The following CLASP1 variants were observed in gnomAD, a reference collection of about 807,000 sequenced individuals.
The protein encoded by CLASP1 is CLIP-associating protein 1.
Under a neutral mutation model 192.3 loss-of-function variants are expected in CLASP1, and 38 were observed. That is an observed-to-expected ratio of 0.20 (90% confidence interval 0.15 to 0.26). CLASP1 has a LOEUF of 0.26. Among genes scored for constraint, CLASP1 ranks in the 10% least tolerant of loss-of-function variants. CLASP1 has a pLI of 1.00. For missense variants in CLASP1, 1,433 were observed against 1,932.5 expected (o/e 0.74, Z 4.85); for synonymous variants, 691 against 712.8 (o/e 0.97, Z 0.49).
intron 2 of CLASP1, among the ~76,000 whole-genome samples, chr2:121,554,212 C>T (rs2058313953): frequency 1.3e-5 from 2 of 151,860 alleles, no homozygotes; most frequent in African/African-American, 2.4e-5. Flanking sequence ...AAGACCCTAT[C>T]TCAAAAAATA....
intron 2 of CLASP1, among the ~76,000 whole-genome samples, chr2:121,588,199 C>T (rs921357066): frequency 2.1e-5 from 3 of 142,554 alleles, no homozygotes; most frequent in African/African-American, 5.3e-5. Flanking sequence ...AAAAAAAAAG[C>T]TGAACTTCAC....
intron 2 of CLASP1, among the ~76,000 whole-genome samples, chr2:121,556,447 C>T (rs1559603753): frequency 2.0e-5 from 3 of 152,052 alleles, no homozygotes; most frequent in South Asian, 2.1e-4. Context: ...TGGTCCTGCC[C>T]GCTCCCTTCA....
At chr2:121,427,612 T>C in intron 20 of CLASP1, 182 bp from the exon 21 acceptor site, 1 of 653,502 alleles carries the variant, frequency 1.5e-6, no homozygotes, top group African/African-American at 1.8e-5. Context: ...TTTGTCATTC[T>C]ACATTAGCAT....
chr2:121,530,866 G>A (rs766151276), intron 2 of CLASP1: 123 of 678,368 alleles, frequency 1.8e-4, no homozygotes, highest in African/African-American at 5.3e-4. Flanking sequence ...TGCAGCCCAG[G>A]GACTTTCTAT....
At chr2:121,361,587 G>A (rs1271512907) in intron 37 of CLASP1, among the ~76,000 whole-genome samples, 1 of 151,994 alleles carries the variant, frequency 6.6e-6, no homozygotes. Context: ...AAAACATTAT[G>A]AAAATTTTTT....
chr2:121,466,025 A>G (rs1198736917), intron 9 of CLASP1, among the ~76,000 whole-genome samples: 1 of 152,176 alleles, frequency 6.6e-6, no homozygotes, highest in Non-Finnish European at 1.5e-5. Context: ...TTAATTCAAG[A>G]TGGATTAAAA....
chr2:121,385,775 T>C (rs2073058133), intron 32 of CLASP1, among the ~76,000 whole-genome samples: 2 of 152,238 alleles, frequency 1.3e-5, no homozygotes, highest in Admixed American at 6.5e-5. Flanking sequence ...TACAGAAAAT[T>C]CAAGTTTTCC....
intron 2 of CLASP1, among the ~76,000 whole-genome samples, chr2:121,539,665 A>G (rs552462170): frequency 3.4e-4 from 52 of 152,220 alleles, no homozygotes; most frequent in Middle Eastern, 3.4e-3. Context: ...TTGGCATATC[A>G]AAACCACTTA....
At chr2:121,501,427 A>G (rs551708465) in intron 8 of CLASP1, among the ~76,000 whole-genome samples, 1 of 152,326 alleles carries the variant, frequency 6.6e-6, no homozygotes, top group East Asian at 1.9e-4. Context: ...TGTTTTTAAA[A>G]GCTGAAAGTA....
At chr2:121,413,754 G>C (rs2078111304) in intron 23 of CLASP1, among the ~76,000 whole-genome samples, 1 of 152,152 alleles carries the variant, frequency 6.6e-6, no homozygotes, top group South Asian at 2.1e-4. Context: ...ATTAATATTT[G>C]ACAGTTTATT....
At chr2:121,352,723 G>A (rs1185106171) in intron 37 of CLASP1, among the ~76,000 whole-genome samples, 1 of 152,078 alleles carries the variant, frequency 6.6e-6, no homozygotes, top group Non-Finnish European at 1.5e-5. Context: ...AGAGTCATCT[G>A]GGCTCACTGC....
At chr2:121,377,279 T>G (rs2070483681) in intron 34 of CLASP1, among the ~76,000 whole-genome samples, 1 of 152,250 alleles carries the variant, frequency 6.6e-6, no homozygotes, top group African/African-American at 2.4e-5. Flanking sequence ...ATTACCTTGA[T>G]TTGATTATTA....
intron 37 of CLASP1, among the ~76,000 whole-genome samples, chr2:121,351,031 C>T (rs1267821202): frequency 2.6e-5 from 4 of 152,200 alleles, no homozygotes; most frequent in African/African-American, 9.6e-5. Flanking sequence ...CAGCCCAGCC[C>T]TGGCTCAGGG....
chr2:121,347,256 T>A (rs2063563903), intron 38 of CLASP1, 102 bp from the exon 40 acceptor site: 1 of 788,184 alleles, frequency 1.3e-6, no homozygotes, highest in Non-Finnish European at 2.1e-6. Flanking sequence ...GAGTTCAACC[T>A]TGGACTTGTC....
intron 2 of CLASP1, among the ~76,000 whole-genome samples, chr2:121,549,364 G>A (rs1186786821): frequency 6.6e-6 from 1 of 152,092 alleles, no homozygotes; most frequent in Non-Finnish European, 1.5e-5. Context: ...ATGGTAAAGG[G>A]TTCAATTCAA....
At position 121,501,742 on chromosome 2, in the gene CLASP1, C is replaced by T. The variant is rs2093760807; in HGVS notation, c.712+1425G>A. The stretch of plus-strand genomic sequence containing the variant: ...GAGTGTGAGTCAAAAGACTTGCATG[C>T]TATTACCTGCTCTGCCCTTATGTAT... On this transcript the variant is annotated intron_variant, in intron 8 of 39. Transcript: ENST00000263710. Among the ~76,000 whole-genome samples, 3 of 152,138 alleles carry T rather than the reference C, an allele frequency of 2.0e-5. No individual in the cohort carries two copies. In the South Asian group the frequency reaches 6.2e-4, roughly 32 times the overall value.
chr2:121,384,970 A>G (rs2072871024), intron 32 of CLASP1, among the ~76,000 whole-genome samples: 1 of 152,198 alleles, frequency 6.6e-6, no homozygotes, highest in African/African-American at 2.4e-5. Context: ...CTGTCTGGTC[A>G]AGATAACTCA....
intron 1 of CLASP1, among the ~76,000 whole-genome samples, chr2:121,623,764 C>G (rs887523238): frequency 1.4e-4 from 22 of 152,164 alleles, no homozygotes; most frequent in Non-Finnish European, 3.1e-4. Context: ...AGGAGAATCA[C>G]TTGAACCCAG....
chr2:121,391,741 T>C (rs1198036600), intron 30 of CLASP1, among the ~76,000 whole-genome samples: 1 of 152,062 alleles, frequency 6.6e-6, no homozygotes, highest in Non-Finnish European at 1.5e-5. Context: ...CCGTCTCCAC[T>C]AAAAATACAA....
Sources: gnomAD v4.1 joint callset for allele counts (sites outside exome capture counted in the v4.1 genomes callset) on GRCh38, gnomAD v4.1.1 for gene constraint, MANE v1.5 for transcripts, NCBI Gene and HGNC (gene_info 2026-07-23, HGNC 2026-07-21) for gene names.